Variants in CDH24 observed in about 807,000 individuals in gnomAD.
The protein encoded by CDH24 is cadherin-24.
A neutral mutation model predicts 71.2 loss-of-function variants in CDH24; 61 were observed. The ratio of observed to expected loss-of-function variants is 0.86; its 90% confidence interval spans 0.70 to 1.06. The LOEUF is 1.06. CDH24 is among the 50% of genes least tolerant of loss of function. CDH24 has a pLI of 0.00. For synonymous variants in CDH24, 440 were observed against 470.2 expected, an observed-to-expected ratio of 0.94 and a Z score of 0.83; for missense variants, 961 against 1,083.7, an observed-to-expected ratio of 0.89 and a Z score of 1.59.
chr14:23,055,025 C>T lies in CDH24; in HGVS notation c.496+34G>A, dbSNP rs368403267. The T allele has an allele frequency of 8.5e-4, 1,365 of 1,596,804 alleles. 1 individual carries two copies. Among genetic ancestry groups the T allele is most frequent in the Admixed American group, 1.6e-3 (98 of 59,400 alleles). On this transcript the variant is annotated intron_variant, in intron 3 of 12. Coordinates refer to ENST00000487137, the MANE Select transcript of CDH24 (RefSeq NM_144985.4). The surrounding 1 kb of genome is among the most constrained non-coding windows in gnomAD (Gnocchi z 4.1). ...GGAGAGGTGAGAGAGCTCCAGAAGACGGGAACTGGGGCATTCAGAGCTGGG... is the reference window on the plus strand; with the variant it reads ...GGAGAGGTGAGAGAGCTCCAGAAGATGGGAACTGGGGCATTCAGAGCTGGG...
chr14:23,055,734 G>C lies in CDH24; in HGVS notation c.-1C>G, dbSNP rs951487638. 3 of 1,573,692 alleles carry C rather than the reference G, an allele frequency of 1.9e-6. No homozygotes were observed. The highest frequency in any genetic ancestry group is 2.6e-6 in the Non-Finnish European group (3 of 1,166,212). ...GCAGGAGCCTCACCAGGCCCCACAT[G>C]TTTGGACTCCAGCCAGGGCTCTGTT... On this transcript the variant is annotated 5_prime_UTR_variant, in exon 2 of 13. Transcript: ENST00000487137. This position sits in a 1 kb window ranked among gnomAD's most constrained non-coding sequence, Gnocchi z 4.1.
chr14:23,048,003 C>A lies in CDH24; in HGVS notation c.2323G>T (p.Ala775Ser). The A allele has an allele frequency of 7.0e-7, 1 of 1,427,784 alleles. No individual in the cohort carries two copies. Among genetic ancestry groups the A allele is most frequent in the Non-Finnish European group, 9.1e-7 (1 of 1,095,496 alleles). 88.4% of individuals were successfully genotyped at this position (1,427,784 alleles called of 1,614,324 possible). A position where few individuals can be genotyped will look rare whatever the true frequency, so the allele number is the denominator to read the frequency against. The change falls in exon 12 of 13, where the codon GCC becomes TCC. Residue 775 changes from alanine (A) to serine (S), a missense_variant. Physicochemically the swap from Ala to Ser is moderately conservative, Grantham distance 99. This residue lies in a region of CDH24 where 290 missense variants were observed against 272.8 expected (regional missense o/e 1.06). Coordinates refer to ENST00000487137, the MANE Select transcript of CDH24 (RefSeq NM_144985.4). ...GCTCAGGGGGCCGGGGGCTCCTTGG[C>A]CCCATACAGCTCGGCCAGGGTGCGG... ...LFRTLAELYG[A>S]KEPPAP
In CDH24 at chr14:23,055,995, G is replaced by T. The variant is rs995420294; in HGVS notation, c.-124-138C>A. On this transcript the variant is annotated intron_variant, in intron 1 of 12. Transcript: ENST00000487137. This position sits in a 1 kb window ranked among gnomAD's most constrained non-coding sequence, Gnocchi z 4.1. ...TCAGACTAAGACAGAGAGCAGAGAG[G>T]CTGATCCTTCCTCCACCCAGGCTCT... 8 of 451,094 alleles carry T rather than the reference G, an allele frequency of 1.8e-5. No homozygotes were observed. Among genetic ancestry groups the T allele is most frequent in the African/African-American group, 1.6e-4 (8 of 51,474 alleles). 27.9% of individuals were successfully genotyped at this position (451,094 alleles called of 1,614,324 possible). A position where few individuals can be genotyped will look rare whatever the true frequency, so the allele number is the denominator to read the frequency against.
In CDH24 at chr14:23,054,935, G is replaced by C; in HGVS notation, c.497-69C>G. ...ATGGGGAAGAACAACCGATGGGGGG[G>C]GATGCAGATACGAGGGAGGCTGAAT... On this transcript the variant is annotated intron_variant, in intron 3 of 12. Transcript: ENST00000487137. The surrounding 1 kb of genome is among the most constrained non-coding windows in gnomAD (Gnocchi z 5.2). The C allele has an allele frequency of 6.2e-7, 1 of 1,603,946 alleles. No homozygotes were observed. Among genetic ancestry groups the C allele is most frequent in the Non-Finnish European group, 8.5e-7 (1 of 1,175,192 alleles).
Position 23,055,023 on chromosome 14 carries a change from G to A in CDH24, c.496+36C>T. ...AAGGAGAGGTGAGAGAGCTCCAGAA[G>A]ACGGGAACTGGGGCATTCAGAGCTG... On this transcript the variant is annotated intron_variant, in intron 3 of 12. Transcript: ENST00000487137. This position sits in a 1 kb window ranked among gnomAD's most constrained non-coding sequence, Gnocchi z 4.1. 1 of 1,597,160 alleles carries A rather than the reference G, an allele frequency of 6.3e-7. No individual in the cohort carries two copies. The highest frequency in any genetic ancestry group is 8.6e-7 in the Non-Finnish European group (1 of 1,168,474).
At chr14:23,052,724 T>G in intron 7 of CDH24, 115 bp from the exon 8 acceptor site, 1 of 1,075,066 alleles carries the variant, frequency 9.3e-7, no homozygotes, top group Non-Finnish European at 1.4e-6. Context: ...CTCCTCTGGG[T>G]AGAGCCATAA....
At chr14:23,053,833 C>T (rs972150125) in intron 6 of CDH24, 84 bp from the exon 7 acceptor site, 1 of 1,342,956 alleles carries the variant, frequency 7.4e-7, no homozygotes, top group South Asian at 1.4e-5. Context: ...CAAGTCCCCT[C>T]CTCACATGCA....
At position 23,049,650 on chromosome 14, in the gene CDH24, T is replaced by C; in HGVS notation, c.1574A>G (p.Asn525Ser). ...ACCTCGGTTGTCCTGGACAGTAAAG[T>C]TGGCATCAGGGCCCAGAGGACCTTG... ...SFQGPLGPDA[N>S]FTVQDNRDGS... The change falls in exon 10 of 13, where the codon AAC becomes AGC. Residue 525 changes from asparagine to serine, a missense_variant. This residue lies in a region of CDH24 where 671 missense variants were observed against 810.9 expected (regional missense o/e 0.83). Transcript: ENST00000487137. 2.5e-6 allele frequency: 4 copies of C among 1,588,410 alleles called. No homozygotes were observed. Among genetic ancestry groups the C allele is most frequent in the Non-Finnish European group, 3.4e-6 (4 of 1,164,760 alleles).
In CDH24 at chr14:23,055,845, C is replaced by CAT; in HGVS notation, c.-114_-113dup. 1 of 847,052 alleles carries CAT rather than the reference C, an allele frequency of 1.2e-6. No individual in the cohort carries two copies. Among genetic ancestry groups the CAT allele is most frequent in the Non-Finnish European group, 1.8e-6 (1 of 559,014 alleles). 52.5% of individuals were successfully genotyped at this position (847,052 alleles called of 1,614,324 possible). ...AGGGGCAGATGCGTTGAGGCTACCCCATGGATCCACACCTGCAGGACAAGC... is the reference window on the plus strand; with the variant it reads ...AGGGGCAGATGCGTTGAGGCTACCCCATATGGATCCACACCTGCAGGACAAGC... On this transcript the variant is annotated 5_prime_UTR_variant, in exon 2 of 13. It adds an upstream start codon to the 5' untranslated region. Transcript: ENST00000487137. The surrounding 1 kb of genome is among the most constrained non-coding windows in gnomAD (Gnocchi z 4.1).
At chr14:23,053,236 A>C (rs2047097537) in intron 7 of CDH24, among the ~76,000 whole-genome samples, 2 of 152,198 alleles carry the variant, frequency 1.3e-5, no homozygotes, top group Admixed American at 6.5e-5. Flanking sequence ...ATCAAATGAG[A>C]CTATATCCAC....
At position 23,049,140 on chromosome 14, in the gene CDH24, C is replaced by T. The variant is rs374708717; in HGVS notation, c.1733G>A (p.Arg578His). Residue 578 changes from arginine (R) to histidine (H), a missense_variant, in exon 11 of 13, where the codon CGC (arginine) becomes CAC (histidine). This residue lies in a region of CDH24 where 671 missense variants were observed against 810.9 expected (regional missense o/e 0.83). Coordinates refer to ENST00000487137, the MANE Select transcript of CDH24 (RefSeq NM_144985.4). Reference protein sequence around the residue: ...STATVTVSVCRCQPDGSVASC... With the variant: ...STATVTVSVCHCQPDGSVASC... ...TGCCACAGAGCCGTCAGGCTGGCAGCGGCACACACTAACAGTCACTGTGGC... is the reference window on the plus strand; with the variant it reads ...TGCCACAGAGCCGTCAGGCTGGCAGTGGCACACACTAACAGTCACTGTGGC... 8.8e-5 allele frequency: 141 copies of T among 1,599,406 alleles called. No homozygotes were observed. In the East Asian group the frequency reaches 2.3e-3, roughly 27 times the overall value.
At chr14:23,053,823 C>T (rs1334327352) in intron 6 of CDH24, 74 bp from the exon 7 acceptor site, 6 of 1,421,360 alleles carry the variant, frequency 4.2e-6, no homozygotes, top group East Asian at 4.8e-5. Context: ...TGGAAGGTGA[C>T]AAGTCCCCTC....
chr14:23,048,036 G>T lies in CDH24; in HGVS notation c.2290C>A (p.Pro764Thr). 1 of 1,449,096 alleles carries T rather than the reference G, an allele frequency of 6.9e-7. No individual in the cohort carries two copies. Among genetic ancestry groups the T allele is most frequent in the South Asian group, 1.3e-5 (1 of 76,098 alleles). 89.8% of individuals were successfully genotyped at this position (1,449,096 alleles called of 1,614,324 possible). The stretch of plus-strand genomic sequence containing the variant: ...AGCTCGGCCAGGGTGCGGAAGAGCG[G>T]ACCCCAGTCGTCCAGCGGCTCCGCG... ...GPAEPLDDWG[P>T]LFRTLAELYG... The change falls in exon 12 of 13, where the codon CCG becomes ACG. Residue 764 changes from proline to threonine, a missense_variant. By Grantham distance (38) the Pro-to-Thr change is conservative. Around this residue, in one of 2 missense-constraint regions of CDH24, gnomAD observed 290 missense variants for 272.8 expected, o/e 1.06. Coordinates refer to ENST00000487137, the MANE Select transcript of CDH24 (RefSeq NM_144985.4).
intron 8 of CDH24, 135 bp downstream of exon 8, chr14:23,052,338 A>G (rs780176458): frequency 2.3e-5 from 22 of 971,134 alleles, no homozygotes; most frequent in Non-Finnish European, 1.9e-5. Flanking sequence ...GCTAGGACTC[A>G]GATCCAGGCT....
At position 23,048,306 on chromosome 14, in the gene CDH24, G is replaced by T; in HGVS notation, c.2020C>A (p.Pro674Thr). The change falls in exon 12 of 13, where the codon CCG becomes ACG. Residue 674 changes from proline to threonine, a missense_variant. Around this residue, in one of 2 missense-constraint regions of CDH24, gnomAD observed 290 missense variants for 272.8 expected, o/e 1.06. Coordinates refer to ENST00000487137, the MANE Select transcript of CDH24 (RefSeq NM_144985.4). Reference protein sequence around the residue: ...ALQNPDGAAPPAPGPPARRDV... With the variant: ...ALQNPDGAAPTAPGPPARRDV... ...CGGCGCGCGGGAGGGCCGGGCGCCGGGGGGGCCGCCCCGTCCGGGTTCTGC... is the reference window on the plus strand; with the variant it reads ...CGGCGCGCGGGAGGGCCGGGCGCCGTGGGGGCCGCCCCGTCCGGGTTCTGC... The T allele has an allele frequency of 1.9e-6, 3 of 1,600,774 alleles. No homozygotes were observed. Among genetic ancestry groups the T allele is most frequent in the Non-Finnish European group, 2.6e-6 (3 of 1,175,466 alleles).
rs994157537 is a variant in CDH24, at chr14:23,047,921, A to G, written c.*59T>C. 1 of 1,240,654 alleles carries G rather than the reference A, an allele frequency of 8.1e-7. No individual in the cohort carries two copies. The highest frequency in any genetic ancestry group is 1.0e-6 in the Non-Finnish European group (1 of 983,200). The allele number at this position is 1,240,654 out of a possible 1,614,324, so 76.9% of individuals were successfully genotyped here. On this transcript the variant is annotated 3_prime_UTR_variant, in exon 12 of 13. Transcript: ENST00000487137. The stretch of plus-strand genomic sequence containing the variant: ...CGCCCGCCTGGACCCCGTGGGGCTC[A>G]CTCAGAGGGCCTGTGCCCGCTGCCC...
chr14:23,047,949 C>CG lies in CDH24; in HGVS notation c.*30_*31insC, dbSNP rs1024762761. 5.4e-6 allele frequency: 7 copies of CG among 1,290,240 alleles called. No homozygotes were observed. Among genetic ancestry groups the CG allele is most frequent in the Non-Finnish European group, 6.8e-6 (7 of 1,022,098 alleles). 79.9% of individuals were successfully genotyped at this position (1,290,240 alleles called of 1,614,324 possible). On this transcript the variant is annotated 3_prime_UTR_variant, in exon 12 of 13. Transcript: ENST00000487137. Reference sequence around the variant, plus strand: ...CAGAGGGCCTGTGCCCGCTGCCCCCCCCCCGCGGTGGGCCGGGCCAGCCCG... The same window carrying CG: ...CAGAGGGCCTGTGCCCGCTGCCCCCCGCCCCGCGGTGGGCCGGGCCAGCCCG...
In CDH24 at chr14:23,055,373, A is replaced by G. The variant is rs2047120757; in HGVS notation, c.202-20T>C. The G allele has an allele frequency of 6.3e-7, 1 of 1,599,846 alleles. No individual in the cohort carries two copies. ...GTGCAGCTGCAGGGGTCACGAAAAG[A>G]TGGCAGAGGGCTCCAAGTACAGAGA... On this transcript the variant is annotated intron_variant, in intron 2 of 12. Transcript: ENST00000487137. This position sits in a 1 kb window ranked among gnomAD's most constrained non-coding sequence, Gnocchi z 4.1.
At position 23,053,685 on chromosome 14, in the gene CDH24, T is replaced by G. The variant is rs771973764; in HGVS notation, c.1037A>C (p.Asp346Ala). 6.2e-7 allele frequency: 1 copy of G among 1,613,714 alleles called. No individual in the cohort carries two copies. The highest frequency in any genetic ancestry group is 1.7e-5 in the Admixed American group (1 of 60,006). ...FRVEATNTLIDPAYLRRGPFK... is the reference protein window; with the variant it reads ...FRVEATNTLIAPAYLRRGPFK... ...GGGCCCTCGCCGCAGATAGGCTGGG[T>G]CAATGAGCGTGTTGGTGGCCTCGAC... Residue 346 changes from aspartate to alanine, a missense_variant, in exon 7 of 13, where the codon GAC (aspartate) becomes GCC (alanine). By Grantham distance (126) the Asp-to-Ala change is moderately radical (BLOSUM62 -2). This residue lies in a region of CDH24 where 671 missense variants were observed against 810.9 expected (regional missense o/e 0.83). Coordinates refer to ENST00000487137, the MANE Select transcript of CDH24 (RefSeq NM_144985.4).
Sources: gnomAD v4.1 joint callset for allele counts (sites outside exome capture counted in the v4.1 genomes callset) on GRCh38, gnomAD v4.1.1 for gene constraint, gnomAD v4.1.1 regional missense constraint, Gnocchi (gnomAD v3.1) non-coding constraint, MANE v1.5 for transcripts, NCBI Gene and HGNC (gene_info 2026-07-23, HGNC 2026-07-21) for gene names.